Variants in IQCM observed in about 807,000 individuals in gnomAD.
The protein encoded by IQCM is IQ domain-containing protein M.
Under a neutral mutation model 57.6 loss-of-function variants are expected in IQCM, and 45 were observed. The observed-to-expected ratio is 0.78, with a 90% CI of 0.62 to 1.00. The LOEUF (loss-of-function observed/expected upper bound fraction) is 1.00, where lower values mean the gene tolerates loss of function less well. Among genes scored for constraint, IQCM ranks in the 50% least tolerant of loss-of-function variants. The pLI is 0.00. For missense variants in IQCM, 468 were observed against 511.6 expected (o/e 0.91, Z 0.82); for synonymous variants, 148 against 158.9 (o/e 0.93, Z 0.51).
chr4:149,537,872 T>C (rs1747457615), intron 12 of IQCM, among the ~76,000 whole-genome samples: 1 of 151,450 alleles, frequency 6.6e-6, no homozygotes, highest in Admixed American at 6.6e-5. Flanking sequence ...CCAGCAAAAA[T>C]ATTCAAGAAT....
At chr4:149,557,893 T>C (rs1459760470) in intron 10 of IQCM, among the ~76,000 whole-genome samples, 1 of 152,194 alleles carries the variant, frequency 6.6e-6, no homozygotes, top group Non-Finnish European at 1.5e-5. Context: ...ACATAAATAT[T>C]TTTTATCTTA....
At chr4:149,511,392 G>A (rs1295828285) in intron 12 of IQCM, among the ~76,000 whole-genome samples, 1 of 151,852 alleles carries the variant, frequency 6.6e-6, no homozygotes, top group African/African-American at 2.4e-5. Context: ...GCCAGACATG[G>A]TGGTACATGT....
chr4:149,394,525 G>A (rs17585823), intron 13 of IQCM, among the ~76,000 whole-genome samples: 3,085 of 151,958 alleles, frequency 0.02, 54 homozygotes, highest in Middle Eastern at 0.051. Context: ...TTAGGTTTGC[G>A]CAGTCACACC....
chr4:149,765,376 G>A (rs1457515174), intron 2 of IQCM, among the ~76,000 whole-genome samples: 1 of 152,078 alleles, frequency 6.6e-6, no homozygotes, highest in Non-Finnish European at 1.5e-5. Flanking sequence ...AAAAAGATAA[G>A]AATCTCTGTG....
chr4:149,621,204 C>T lies in IQCM; in HGVS notation c.606G>A (p.Arg202=). Residue 202 remains arginine (R), a synonymous_variant, in exon 8 of 14, where the codon AGG becomes AGA. Transcript: ENST00000636793. ...GGGAGTCACAAGCCAAACGGAAAGA[C>T]CTTGTCAGCACAAATCCTCTCCAGT... ...FYDWRGFVLT[R]SFRLACDSRR... 5 of 1,231,916 alleles carry T rather than the reference C, an allele frequency of 4.1e-6. No homozygotes were observed. Among genetic ancestry groups the T allele is most frequent in the Non-Finnish European group, 5.1e-6 (5 of 987,798 alleles). 76.3% of individuals were successfully genotyped at this position (1,231,916 alleles called of 1,614,324 possible).
In IQCM at chr4:149,357,924, C is replaced by A. The variant is rs187278445; in HGVS notation, c.1391-5858G>T. On this transcript the variant is annotated intron_variant, in intron 13 of 13. Coordinates refer to ENST00000636793, the MANE Select transcript of IQCM (RefSeq NM_001363507.2). ...ATTAATTATTGCCTCAATTTCAGAG[C>A]CTGTTATTGGTCTATTCAGAAATTC... is the stretch of plus-strand genomic sequence containing the variant. 1.4e-4 allele frequency among the ~76,000 whole-genome samples: 22 copies of A among 152,232 alleles called. No homozygotes were observed. The East Asian group carries it at 3.7e-3, about 25-fold the overall frequency.
chr4:149,621,703 G>T (rs1436389841), intron 7 of IQCM, among the ~76,000 whole-genome samples: 2 of 152,286 alleles, frequency 1.3e-5, no homozygotes, highest in East Asian at 3.9e-4. Flanking sequence ...ATTATTAAAA[G>T]TCTTTAAGGT....
intron 2 of IQCM, among the ~76,000 whole-genome samples, chr4:149,766,156 A>G (rs1445828552): frequency 1.3e-5 from 2 of 152,090 alleles, no homozygotes; most frequent in Non-Finnish European, 2.9e-5. Context: ...AGAAGAACCC[A>G]CTGGGCTGTA....
At chr4:149,488,475 A>G (rs1165682203) in intron 12 of IQCM, among the ~76,000 whole-genome samples, 1 of 152,178 alleles carries the variant, frequency 6.6e-6, no homozygotes, top group Non-Finnish European at 1.5e-5. Context: ...TTATCATCAT[A>G]TAAATTTCTT....
chr4:149,503,156 G>A (rs1385538704), intron 12 of IQCM, among the ~76,000 whole-genome samples: 1 of 152,124 alleles, frequency 6.6e-6, no homozygotes, highest in Non-Finnish European at 1.5e-5. Flanking sequence ...AGAAGTTCGA[G>A]GTTACAGTGA....
At chr4:149,756,220 CACTG>C in intron 2 of IQCM, among the ~76,000 whole-genome samples, 1 of 152,272 alleles carries the variant, frequency 6.6e-6, no homozygotes, top group African/African-American at 2.4e-5. Context: ...GTGCCTACAA[CACTG>C]ACTGGAAATC....
intron 12 of IQCM, among the ~76,000 whole-genome samples, chr4:149,530,064 G>A (rs190181163): frequency 6.6e-6 from 1 of 151,966 alleles, no homozygotes; most frequent in African/African-American, 2.4e-5. Flanking sequence ...CATCAGCATG[G>A]TTCCCTCCCT....
chr4:149,570,651 G>A (rs1250961061), intron 9 of IQCM, among the ~76,000 whole-genome samples: 8 of 152,144 alleles, frequency 5.3e-5, no homozygotes, highest in South Asian at 2.1e-4. Flanking sequence ...GACACCAGGG[G>A]ATTTATCAGT....
chr4:149,592,810 G>A (rs1216677645), intron 8 of IQCM, among the ~76,000 whole-genome samples: 3 of 152,056 alleles, frequency 2.0e-5, no homozygotes, highest in African/African-American at 4.8e-5. Flanking sequence ...TGTTCCATTG[G>A]TCTATATCTC....
At chr4:149,469,734 T>C (rs1739294398) in intron 12 of IQCM, among the ~76,000 whole-genome samples, 1 of 152,130 alleles carries the variant, frequency 6.6e-6, no homozygotes, top group African/African-American at 2.4e-5. Context: ...AAAGGTCGGG[T>C]TACCCACAAA....
At position 149,442,951 on chromosome 4, in the gene IQCM, C is replaced by CAG. The variant is rs1278320532; in HGVS notation, c.1229-9395_1229-9394insCT. 9.0e-4 allele frequency among the ~76,000 whole-genome samples: 100 copies of CAG among 111,192 alleles called. 1 individual carries two copies. Among genetic ancestry groups the CAG allele is most frequent in the Middle Eastern group, 4.9e-3 (1 of 204 alleles). The allele number at this position is 111,192 out of a possible 152,430, so 72.9% of individuals were successfully genotyped here. ...ACACACACACACACACACACACACA[C>CAG]ACAGAGAGAGAGAGAGAGAGAGAGA... On this transcript the variant is annotated intron_variant, in intron 12 of 13. Coordinates refer to ENST00000636793, the MANE Select transcript of IQCM (RefSeq NM_001363507.2).
At chr4:149,782,256 G>A (rs77832430) in intron 2 of IQCM, among the ~76,000 whole-genome samples, 4,333 of 151,520 alleles carry the variant, frequency 0.029, 211 homozygotes, top group African/African-American at 0.099. Flanking sequence ...CATGCAAACT[G>A]GAAACAATCA....
At chr4:149,562,728 TATC>T (rs1457866248) in intron 10 of IQCM, among the ~76,000 whole-genome samples, 1 of 152,160 alleles carries the variant, frequency 6.6e-6, no homozygotes, top group Non-Finnish European at 1.5e-5. Flanking sequence ...TTACATGTAT[TATC>T]ATGTTTAATC....
intron 9 of IQCM, among the ~76,000 whole-genome samples, chr4:149,578,773 T>C (rs1751897820): frequency 6.6e-6 from 1 of 151,860 alleles, no homozygotes; most frequent in South Asian, 2.1e-4. Flanking sequence ...CAACCACGTA[T>C]ATATCAGGGA....
Sources: allele counts gnomAD v4.1 joint callset (sites outside exome capture counted in the v4.1 genomes callset), GRCh38; gene constraint gnomAD v4.1.1; transcripts MANE v1.5; gene names NCBI Gene and HGNC (gene_info 2026-07-23, HGNC 2026-07-21).